Variants in DNAJB6 observed in about 807,000 individuals in gnomAD.
DNAJB6 encodes the protein DnaJ heat shock protein family (Hsp40) member B6, also known as dnaJ homolog subfamily B member 6.
A neutral mutation model predicts 42.7 loss-of-function variants in DNAJB6; 16 were observed. The observed-to-expected ratio is 0.37, with a 90% confidence interval of 0.25 to 0.57. DNAJB6 has a LOEUF of 0.57. Among genes scored for constraint, DNAJB6 ranks in the 20% least tolerant of loss-of-function variants. The probability of loss-of-function intolerance (pLI) is 0.74; values close to 1 mark genes in which losing one functional copy is unlikely to be tolerated. For missense variants in DNAJB6, 347 were observed against 416.8 expected, an observed-to-expected ratio of 0.83 and a Z score of 1.46; for synonymous variants, 170 against 163.5, an observed-to-expected ratio of 1.04 and a Z score of -0.30.
rs1584927252 is a variant in DNAJB6 at position 157,384,894 on chromosome 7, A to G, written c.506A>G (p.His169Arg). The G allele has an allele frequency of 7.4e-6, 12 of 1,613,004 alleles. No individual in the cohort carries two copies. The East Asian group carries it at 2.7e-4, about 36-fold the overall frequency. The change falls in exon 7 of 10, where the codon CAC becomes CGC. Residue 169 changes from histidine (H) to arginine (R), a missense_variant. His to Arg is a conservative substitution (Grantham distance 29). This residue lies in a region of DNAJB6 where 264 missense variants were observed against 288.0 expected (regional missense o/e 0.92). Coordinates refer to ENST00000262177, the MANE Select transcript of DNAJB6 (RefSeq NM_058246.4). ...TGFTSFGSLG[H>R]GGLTSFSSTS... ...TTTACTTCATTTGGGTCACTAGGTC[A>G]CGGGGGCCTCACTTCATTCTCTTCC...
intron 8 of DNAJB6, among the ~76,000 whole-genome samples, chr7:157,395,492 GT>G (rs1424448032): frequency 1.3e-5 from 2 of 152,188 alleles, no homozygotes; most frequent in African/African-American, 4.8e-5. Context: ...GCAGTTGGAG[GT>G]TGAATCTGGG....
At chr7:157,411,292 A>AC (rs1464085769) in intron 9 of DNAJB6, 2 of 142,734 alleles carry the variant, frequency 1.4e-5, no homozygotes, top group East Asian at 2.3e-4. Flanking sequence ...GAAGGTTCCC[A>AC]GGATCCCTGC....
chr7:157,369,439 C>T (rs187320142), intron 5 of DNAJB6: 3 of 456,264 alleles, frequency 6.6e-6, no homozygotes, highest in Non-Finnish European at 1.3e-5. Flanking sequence ...AAGGCCCGCT[C>T]TTCCAACACC....
chr7:157,342,966 C>T (rs547500884), intron 1 of DNAJB6, among the ~76,000 whole-genome samples: 207 of 150,518 alleles, frequency 1.4e-3, no homozygotes, highest in African/African-American at 4.6e-3. Flanking sequence ...TTTTTTCCTA[C>T]CTGTCTGTAC....
At chr7:157,340,997 T>TGTGTGTGTGTGCGC (rs902019051) in intron 1 of DNAJB6, among the ~76,000 whole-genome samples, 4 of 118,298 alleles carry the variant, frequency 3.4e-5, no homozygotes, top group African/African-American at 1.1e-4. Context: ...TGTGTGTGTG[T>TGTGTGTGTGTGCGC]GCGCGCGCGC....
At chr7:157,381,230 C>T (rs1800749944) in intron 5 of DNAJB6, 1 of 152,134 alleles carries the variant, frequency 6.6e-6, no homozygotes, top group South Asian at 2.1e-4. Flanking sequence ...AATGTATCCA[C>T]TCCCTGCTTT....
intron 8 of DNAJB6, among the ~76,000 whole-genome samples, chr7:157,406,209 G>A (rs112150662): frequency 1.4e-4 from 22 of 152,374 alleles, no homozygotes; most frequent in African/African-American, 5.3e-4. Flanking sequence ...AGTGCACCGT[G>A]CCCACGGGAA....
At chr7:157,344,259 T>G (rs1450709631) in intron 1 of DNAJB6, among the ~76,000 whole-genome samples, 1 of 151,734 alleles carries the variant, frequency 6.6e-6, no homozygotes, top group Admixed American at 6.6e-5. Context: ...GAGAATGGCG[T>G]GAACGCGGGA....
chr7:157,369,867 C>A (rs188720705), intron 5 of DNAJB6, among the ~76,000 whole-genome samples: 1 of 150,578 alleles, frequency 6.6e-6, no homozygotes, highest in East Asian at 1.9e-4. Flanking sequence ...CCCTTCTTCA[C>A]ATTATTATTA....
At chr7:157,346,628 T>A (rs1462371584) in intron 1 of DNAJB6, among the ~76,000 whole-genome samples, 2 of 152,188 alleles carry the variant, frequency 1.3e-5, no homozygotes, top group East Asian at 3.8e-4. Context: ...GATAGAAATG[T>A]ATAGGTAGCC....
At chr7:157,357,908 A>G (rs1411483844) in intron 1 of DNAJB6, among the ~76,000 whole-genome samples, 1 of 152,220 alleles carries the variant, frequency 6.6e-6, no homozygotes, top group Non-Finnish European at 1.5e-5. Context: ...TAGTGTGGTC[A>G]ACAGGGCAAT....
chr7:157,340,852 A>G (rs1798324030), intron 1 of DNAJB6, among the ~76,000 whole-genome samples: 1 of 152,118 alleles, frequency 6.6e-6, no homozygotes, highest in East Asian at 1.9e-4. Flanking sequence ...TATTTTTAGT[A>G]GAGACGGTTT....
intron 1 of DNAJB6, among the ~76,000 whole-genome samples, chr7:157,351,571 T>G (rs1405120374): frequency 6.7e-6 from 1 of 150,358 alleles, no homozygotes; most frequent in African/African-American, 2.5e-5. Flanking sequence ...AGGTGGAGTT[T>G]GCAGTGAGCT....
chr7:157,414,400 G>A (rs1220473174), intron 9 of DNAJB6: 1 of 152,232 alleles, frequency 6.6e-6, no homozygotes, highest in East Asian at 1.9e-4. Context: ...CATGCTCCTC[G>A]GGACGGAGAT....
chr7:157,403,773 G>A (rs1272307915), intron 8 of DNAJB6, among the ~76,000 whole-genome samples: 1 of 152,240 alleles, frequency 6.6e-6, no homozygotes, highest in Non-Finnish European at 1.5e-5. Flanking sequence ...TCCCAAATTA[G>A]CAACCAAAGA....
Position 157,366,616 on chromosome 7 carries a change from T to C in DNAJB6, c.235+55T>C, listed in dbSNP as rs1799859192. 1.2e-5 allele frequency: 18 copies of C among 1,522,632 alleles called. No individual in the cohort carries two copies. In the Middle Eastern group the frequency reaches 5.1e-4, roughly 43 times the overall value. The allele number at this position is 1,522,632 out of a possible 1,614,324, so 94.3% of individuals were successfully genotyped here. The stretch of plus-strand genomic sequence containing the variant: ...AAAAGGTCTTGGCAAGTAAGTTGAG[T>C]TTGTAAATCACGAGTCTCTTGGTCA... On this transcript the variant is annotated intron_variant, in intron 4 of 9. Transcript: ENST00000262177.
At chr7:157,345,193 C>T (rs1798620377) in intron 1 of DNAJB6, among the ~76,000 whole-genome samples, 2 of 152,020 alleles carry the variant, frequency 1.3e-5, no homozygotes, top group South Asian at 2.1e-4. Context: ...AGGATTTCAC[C>T]ATGTTGTCCA....
intron 1 of DNAJB6, among the ~76,000 whole-genome samples, chr7:157,340,997 T>TGCGCGCGC (rs1554450151): frequency 1.4e-4 from 16 of 118,298 alleles, no homozygotes; most frequent in African/African-American, 4.3e-4. Context: ...TGTGTGTGTG[T>TGCGCGCGC]GCGCGCGCGC....
chr7:157,410,022 G>C (rs1289623480), intron 9 of DNAJB6, 21 bp downstream of exon 9: 2 of 1,514,276 alleles, frequency 1.3e-6, no homozygotes, highest in African/African-American at 1.4e-5. Flanking sequence ...GGAGGCAGCC[G>C]TGGAGCAGGC....
Sources: allele counts gnomAD v4.1 joint callset (sites outside exome capture counted in the v4.1 genomes callset), GRCh38; gene constraint gnomAD v4.1.1; regional missense constraint gnomAD v4.1.1; transcripts MANE v1.5; gene names NCBI Gene and HGNC (gene_info 2026-07-23, HGNC 2026-07-21).